Variants in AGO3 observed in about 807,000 individuals in gnomAD.
AGO3 encodes the protein argonaute RISC catalytic component 3, also known as protein argonaute-3.
Under a neutral mutation model 105.5 loss-of-function variants are expected in AGO3, and 16 were observed. That is an observed-to-expected ratio of 0.15 (90% CI 0.10 to 0.23). The LOEUF is 0.23. AGO3 is among the 10% of genes least tolerant of loss of function. AGO3 has a pLI of 1.00. For missense variants in AGO3, 534 were observed against 1,088.0 expected, an observed-to-expected ratio of 0.49 and a Z score of 7.16; for synonymous variants, 340 against 367.3, an observed-to-expected ratio of 0.93 and a Z score of 0.85.
At chr1:36,041,418 T>C (rs953304854) in intron 16 of AGO3, among the ~76,000 whole-genome samples, 8 of 151,882 alleles carry the variant, frequency 5.3e-5, no homozygotes, top group Non-Finnish European at 2.9e-5. Context: ...ATTTTTTGTA[T>C]TTTTAGTAGA....
At chr1:35,994,905 C>T (rs1444492453) in intron 5 of AGO3, among the ~76,000 whole-genome samples, 1 of 151,974 alleles carries the variant, frequency 6.6e-6, no homozygotes. Flanking sequence ...TTTCATTCTC[C>T]CCAAATTGAT....
chr1:35,941,461 A>G (rs1317401639), intron 1 of AGO3, among the ~76,000 whole-genome samples: 1 of 152,198 alleles, frequency 6.6e-6, no homozygotes, highest in African/African-American at 2.4e-5. Flanking sequence ...GAGGGCTGAC[A>G]CTATCTAACT....
chr1:35,959,749 A>G (rs1177231883), intron 2 of AGO3, among the ~76,000 whole-genome samples: 1 of 152,092 alleles, frequency 6.6e-6, no homozygotes, highest in Non-Finnish European at 1.5e-5. Flanking sequence ...TATGTTAATT[A>G]CCAGAATTAT....
chr1:36,040,097 G>C, intron 15 of AGO3, 113 bp downstream of exon 15: 1 of 1,272,194 alleles, frequency 7.9e-7, no homozygotes, highest in Non-Finnish European at 1.1e-6. Flanking sequence ...TCAAAACTTG[G>C]TGTTTTGTTA....
intron 2 of AGO3, among the ~76,000 whole-genome samples, chr1:35,949,256 G>A (rs1336122152): frequency 1.3e-5 from 2 of 152,092 alleles, no homozygotes; most frequent in Non-Finnish European, 2.9e-5. Context: ...GTTTTTATAG[G>A]AACTGTAGGA....
In AGO3 at chr1:36,068,425, G is replaced by A. The variant is rs1643121331; in HGVS notation, c.*12680G>A. 6.6e-6 allele frequency: 1 copy of A among 152,166 alleles called. No individual in the cohort carries two copies. The highest frequency in any genetic ancestry group is 1.9e-4 in the East Asian group (1 of 5,200). The allele number at this position is 152,166 out of a possible 1,614,324, so 9.4% of individuals were successfully genotyped here. A position where few individuals can be genotyped will look rare whatever the true frequency, so the allele number is the denominator to read the frequency against. ...TGCACCTGTAGTCCGAACTTCTCAG[G>A]AGGATGAGGCAGGAGGATAGTTGAG... On this transcript the variant is annotated 3_prime_UTR_variant, in exon 19 of 19. Coordinates refer to ENST00000373191, the MANE Select transcript of AGO3 (RefSeq NM_024852.4).
At chr1:35,971,899 G>T in intron 3 of AGO3, 125 bp from the exon 4 acceptor site, 1 of 849,236 alleles carries the variant, frequency 1.2e-6, no homozygotes, top group Non-Finnish European at 1.8e-6. Flanking sequence ...AAAAAAAATG[G>T]TATATTTTAG....
rs1204054620 is a variant in AGO3, at chr1:36,049,051, A to G, written c.2274+5503A>G. Among the ~76,000 whole-genome samples the G allele has an allele frequency of 5.3e-5, 8 of 152,210 alleles. No homozygotes were observed. The South Asian group carries it at 1.7e-3, about 32-fold the overall frequency. On this transcript the variant is annotated intron_variant, in intron 17 of 18. Coordinates refer to ENST00000373191, the MANE Select transcript of AGO3 (RefSeq NM_024852.4). ...AGAATGAAACCATATCCTTTACAGC[A>G]ACATAGATGGAGCTGAAGGTCATAA... is the stretch of plus-strand genomic sequence containing the variant.
intron 9 of AGO3, among the ~76,000 whole-genome samples, chr1:36,010,407 C>T (rs577376361): frequency 6.6e-6 from 1 of 152,002 alleles, no homozygotes; most frequent in South Asian, 2.1e-4. Flanking sequence ...AATTTGGGAC[C>T]AGCCTGGGAA....
At chr1:35,960,063 T>C (rs746533777) in intron 2 of AGO3, among the ~76,000 whole-genome samples, 1 of 152,084 alleles carries the variant, frequency 6.6e-6, no homozygotes, top group Non-Finnish European at 1.5e-5. Flanking sequence ...TGCCTTCTTA[T>C]TTCGGTACTT....
At chr1:36,009,194 T>A in intron 8 of AGO3, 150 bp downstream of exon 8, 1 of 1,120,164 alleles carries the variant, frequency 8.9e-7, no homozygotes, top group Non-Finnish European at 1.2e-6. Flanking sequence ...TGTAATGAAA[T>A]AACACGAAAC....
At chr1:35,943,748 T>G (rs1018631091) in intron 1 of AGO3, among the ~76,000 whole-genome samples, 2 of 151,704 alleles carry the variant, frequency 1.3e-5, no homozygotes, top group Middle Eastern at 3.4e-3. Flanking sequence ...GGACTACAGG[T>G]GCACACCTGG....
At chr1:36,045,225 C>G (rs968704654) in intron 17 of AGO3, among the ~76,000 whole-genome samples, 1 of 151,808 alleles carries the variant, frequency 6.6e-6, no homozygotes, top group African/African-American at 2.4e-5. Context: ...AGATAAACAA[C>G]TACATTTTTT....
Position 36,061,093 on chromosome 1 carries a change from A to T in AGO3, c.*5348A>T, listed in dbSNP as rs941261304. On this transcript the variant is annotated 3_prime_UTR_variant, in exon 19 of 19. Transcript: ENST00000373191. ...AAATCTTTTTAAAAAAGTCCTGCTT[A>T]TACTAAGAACATTCTTGATCCGTTG... is the stretch of plus-strand genomic sequence containing the variant. 6.6e-6 allele frequency: 1 copy of T among 152,324 alleles called. No homozygotes were observed. Among genetic ancestry groups the T allele is most frequent in the Non-Finnish European group, 1.5e-5 (1 of 68,032 alleles). 9.4% of individuals were successfully genotyped at this position (152,324 alleles called of 1,614,324 possible).
intron 5 of AGO3, among the ~76,000 whole-genome samples, chr1:35,982,290 A>G (rs1004121965): frequency 1.3e-5 from 2 of 152,214 alleles, no homozygotes; most frequent in African/African-American, 4.8e-5. Flanking sequence ...TGATTTCTAA[A>G]TAACCCCTTG....
At position 35,972,133 on chromosome 1, in the gene AGO3, C is replaced by G. The variant is rs760590665; in HGVS notation, c.422C>G (p.Thr141Arg). 6.2e-7 allele frequency: 1 copy of G among 1,614,100 alleles called. No homozygotes were observed. The highest frequency in any genetic ancestry group is 8.5e-7 in the Non-Finnish European group (1 of 1,180,018). Residue 141 changes from threonine to arginine, a missense_variant, in exon 4 of 19, where the codon ACA (threonine) becomes AGA (arginine). By Grantham distance (71) the Thr-to-Arg change is moderately conservative (BLOSUM62 -1). Transcript: ENST00000373191. ...TGGCACCTACTGCATGAAGTACTGACAGGACGGACCTTGCCTGAGCCACTG... is the reference window on the plus strand; with the variant it reads ...TGGCACCTACTGCATGAAGTACTGAGAGGACGGACCTTGCCTGAGCCACTG... ...VSWHLLHEVL[T>R]GRTLPEPLEL...
chr1:36,042,419 C>T lies in AGO3; in HGVS notation c.2173-1028C>T, dbSNP rs77122342. On this transcript the variant is annotated intron_variant, in intron 16 of 18. Transcript: ENST00000373191. Reference sequence around the variant, plus strand: ...TTGTATATATTAATTAGAAGATTTACGTGTTGCTAATTTATTAGAGTTAAG... The same window carrying T: ...TTGTATATATTAATTAGAAGATTTATGTGTTGCTAATTTATTAGAGTTAAG... 5.3e-3 allele frequency among the ~76,000 whole-genome samples: 809 copies of T among 152,226 alleles called. 8 individuals carry two copies. The highest frequency in any genetic ancestry group is 0.018 in the African/African-American group (753 of 41,554).
intron 11 of AGO3, among the ~76,000 whole-genome samples, chr1:36,015,362 G>A (rs1640851569): frequency 6.6e-6 from 1 of 152,232 alleles, no homozygotes; most frequent in African/African-American, 2.4e-5. Flanking sequence ...CAGCTGGCCA[G>A]AAGCTCTCCA....
chr1:35,938,732 T>C (rs1461076600), intron 1 of AGO3, among the ~76,000 whole-genome samples: 2 of 152,188 alleles, frequency 1.3e-5, no homozygotes, highest in South Asian at 2.1e-4. Context: ...TTGTTAGAAG[T>C]AGAATTATTG....
Sources: allele counts gnomAD v4.1 joint callset (sites outside exome capture counted in the v4.1 genomes callset), GRCh38; gene constraint gnomAD v4.1.1; transcripts MANE v1.5; gene names NCBI Gene and HGNC (gene_info 2026-07-23, HGNC 2026-07-21).